Variants in GABRG3 observed in about 807,000 individuals in gnomAD.
The protein encoded by GABRG3 is gamma-aminobutyric acid type A receptor subunit gamma3.
A neutral mutation model predicts 48.8 loss-of-function variants in GABRG3; 25 were observed. That is an observed-to-expected ratio of 0.51 (90% CI 0.37 to 0.72). GABRG3 has a LOEUF of 0.72. GABRG3 is among the 30% of genes least tolerant of loss of function. The pLI, the probability that GABRG3 is intolerant of heterozygous loss-of-function variation, is 0.00. For missense variants in GABRG3, 394 were observed against 577.9 expected (o/e 0.68, Z 3.26); for synonymous variants, 227 against 217.6 (o/e 1.04, Z -0.38).
At chr15:27,233,576 C>G (rs1889865557) in intron 3 of GABRG3, among the ~76,000 whole-genome samples, 1 of 152,156 alleles carries the variant, frequency 6.6e-6, no homozygotes, top group South Asian at 2.1e-4. Context: ...AGGCACTAAT[C>G]TCATCACGAA....
At chr15:27,172,684 C>T (rs1887612320) in intron 3 of GABRG3, among the ~76,000 whole-genome samples, 1 of 152,148 alleles carries the variant, frequency 6.6e-6, no homozygotes, top group Admixed American at 6.5e-5. Flanking sequence ...CCAACATGCA[C>T]TTGAAACCTT....
At chr15:27,305,257 A>G (rs144488724) in intron 3 of GABRG3, among the ~76,000 whole-genome samples, 110 of 151,788 alleles carry the variant, frequency 7.2e-4, no homozygotes, top group African/African-American at 2.3e-3. Flanking sequence ...GAAAAATTTT[A>G]AAACATCATT....
intron 7 of GABRG3, among the ~76,000 whole-genome samples, chr15:27,522,437 T>TA (rs139517124): frequency 0.068 from 10,298 of 151,544 alleles, 1,208 homozygotes; most frequent in African/African-American, 0.24. Flanking sequence ...CGGTGAAGTT[T>TA]AAAAAAAACT....
At chr15:27,151,801 C>A (rs769114030) in intron 3 of GABRG3, among the ~76,000 whole-genome samples, 3 of 152,132 alleles carry the variant, frequency 2.0e-5, no homozygotes, top group Non-Finnish European at 4.4e-5. Flanking sequence ...CTGATTTTCC[C>A]CTAGCGCCTC....
chr15:26,987,371 T>C (rs1050414015), intron 2 of GABRG3, among the ~76,000 whole-genome samples: 1 of 152,218 alleles, frequency 6.6e-6, no homozygotes, highest in African/African-American at 2.4e-5. Context: ...CATTGAACTT[T>C]CAGTTCAGCT....
intron 3 of GABRG3, among the ~76,000 whole-genome samples, chr15:27,150,868 C>T (rs1292538585): frequency 6.6e-6 from 1 of 152,160 alleles, no homozygotes; most frequent in Admixed American, 6.5e-5. Flanking sequence ...AGAATTTGGT[C>T]AAGCTGCTGA....
At chr15:27,413,268 A>G (rs1215285472) in intron 5 of GABRG3, among the ~76,000 whole-genome samples, 1 of 152,194 alleles carries the variant, frequency 6.6e-6, no homozygotes, top group Non-Finnish European at 1.5e-5. Flanking sequence ...CAAGTCTACC[A>G]TATCATTTTA....
chr15:27,395,539 T>A (rs1887273833), intron 5 of GABRG3, among the ~76,000 whole-genome samples: 1 of 152,166 alleles, frequency 6.6e-6, no homozygotes, highest in Non-Finnish European at 1.5e-5. Context: ...ATAGTGTAGA[T>A]ACATAGATCT....
intron 5 of GABRG3, among the ~76,000 whole-genome samples, chr15:27,440,666 C>T (rs191591961): frequency 1.9e-4 from 29 of 152,268 alleles, no homozygotes; most frequent in Non-Finnish European, 2.6e-4. Context: ...TGTATCACAC[C>T]GATGAGGTCT....
intron 5 of GABRG3, chr15:27,428,186 GA>G (rs1888348089): frequency 4.6e-5 from 7 of 152,304 alleles, no homozygotes; most frequent in African/African-American, 1.7e-4. Context: ...ACTGCTCCTG[GA>G]CTGTGCAATT....
At chr15:27,415,792 T>G (rs948523456) in intron 5 of GABRG3, among the ~76,000 whole-genome samples, 7 of 152,304 alleles carry the variant, frequency 4.6e-5, no homozygotes, top group African/African-American at 1.4e-4. Flanking sequence ...AAAGAAAGAT[T>G]AAGCTGGAAG....
intron 3 of GABRG3, among the ~76,000 whole-genome samples, chr15:27,196,342 C>G (rs988068919): frequency 3.3e-5 from 5 of 152,072 alleles, no homozygotes; most frequent in African/African-American, 9.7e-5. Context: ...TGTTCCTGCT[C>G]TCTCTCTCTC....
chr15:27,475,677 TTGG>T (rs1259858125), intron 5 of GABRG3, among the ~76,000 whole-genome samples: 1 of 151,034 alleles, frequency 6.6e-6, no homozygotes, highest in Admixed American at 6.6e-5. Flanking sequence ...AGTAATCATG[TTGG>T]TGGTGTTGGT....
intron 5 of GABRG3, among the ~76,000 whole-genome samples, chr15:27,455,477 G>A (rs1237851718): frequency 6.6e-6 from 1 of 151,124 alleles, no homozygotes; most frequent in African/African-American, 2.4e-5. Context: ...TGCATGGTAT[G>A]TGTGTGATAT....
At chr15:27,361,968 G>A (rs1394434231) in intron 5 of GABRG3, among the ~76,000 whole-genome samples, 2 of 152,108 alleles carry the variant, frequency 1.3e-5, no homozygotes. Flanking sequence ...TCACTTTTGA[G>A]AAAAGACCGA....
At chr15:27,211,121 T>C (rs953179208) in intron 3 of GABRG3, among the ~76,000 whole-genome samples, 2 of 152,198 alleles carry the variant, frequency 1.3e-5, no homozygotes, top group African/African-American at 4.8e-5. Context: ...ACACCGCTGC[T>C]TGGCAGGCCA....
At chr15:27,408,847 C>G (rs532396512) in intron 5 of GABRG3, among the ~76,000 whole-genome samples, 5 of 152,300 alleles carry the variant, frequency 3.3e-5, no homozygotes, top group Non-Finnish European at 5.9e-5. Context: ...TGGTAATGCA[C>G]TTTAAGACCT....
intron 5 of GABRG3, among the ~76,000 whole-genome samples, chr15:27,448,393 A>C (rs1259885828): frequency 6.6e-6 from 1 of 152,252 alleles, no homozygotes; most frequent in African/African-American, 2.4e-5. Flanking sequence ...GAAGAATACA[A>C]GGAGGAATCA....
chr15:27,229,350 CTTGTTT>C (rs908243666), intron 3 of GABRG3, among the ~76,000 whole-genome samples: 3 of 152,034 alleles, frequency 2.0e-5, no homozygotes, highest in Admixed American at 1.3e-4. Flanking sequence ...TTCCCCATGG[CTTGTTT>C]TTTTCAGCTT....
Sources: gnomAD v4.1 joint callset for allele counts (sites outside exome capture counted in the v4.1 genomes callset) on GRCh38, gnomAD v4.1.1 for gene constraint, MANE v1.5 for transcripts, NCBI Gene and HGNC (gene_info 2026-07-23, HGNC 2026-07-21) for gene names.